Variants in AKAP12 observed in about 807,000 individuals in gnomAD.
The protein encoded by AKAP12 is A-kinase anchoring protein 12, also known as A-kinase anchor protein 12.
A neutral mutation model predicts 79.9 loss-of-function variants in AKAP12; 32 were observed. The observed-to-expected ratio is 0.40, with a 90% CI of 0.30 to 0.54. The LOEUF (loss-of-function observed/expected upper bound fraction) is 0.54. Among genes scored for constraint, AKAP12 ranks in the 20% least tolerant of loss-of-function variants. The pLI, the probability that AKAP12 is intolerant of heterozygous loss-of-function variation, is 0.48. For synonymous variants in AKAP12, 808 were observed against 857.0 expected (o/e 0.94, Z 1.00); for missense variants, 2,074 against 2,177.0 (o/e 0.95, Z 0.94).
intron 3 of AKAP12, among the ~76,000 whole-genome samples, chr6:151,308,394 G>A (rs561252720): frequency 6.6e-6 from 1 of 152,084 alleles, no homozygotes; most frequent in African/African-American, 2.4e-5. Context: ...TGTATTTTCA[G>A]TAGAGACAAG....
intron 2 of AKAP12, among the ~76,000 whole-genome samples, chr6:151,278,600 A>G (rs1049146081): frequency 6.6e-6 from 1 of 151,960 alleles, no homozygotes; most frequent in African/African-American, 2.4e-5. Flanking sequence ...TTCTTTGACT[A>G]CTGTTGTATT....
At chr6:151,344,282 G>A (rs1778027136) in intron 3 of AKAP12, among the ~76,000 whole-genome samples, 1 of 152,044 alleles carries the variant, frequency 6.6e-6, no homozygotes, top group Admixed American at 6.6e-5. Context: ...GCTGATTATC[G>A]AAGCTGTTAC....
At chr6:151,335,479 T>TTTTG (rs398110821) in intron 3 of AKAP12, among the ~76,000 whole-genome samples, 33 of 151,642 alleles carry the variant, frequency 2.2e-4, no homozygotes, top group African/African-American at 8.0e-4. Flanking sequence ...TTTTTACTGT[T>TTTTG]GTTTGTTTGT....
At chr6:151,325,594 C>T (rs1777501807) in intron 3 of AKAP12, 3 of 1,346,248 alleles carry the variant, frequency 2.2e-6, no homozygotes, top group African/African-American at 1.5e-5. Flanking sequence ...GAGGGGCCAG[C>T]GCCAGCCCGC....
chr6:151,332,814 A>G (rs577325244), intron 3 of AKAP12, among the ~76,000 whole-genome samples: 42 of 152,296 alleles, frequency 2.8e-4, no homozygotes, highest in Admixed American at 9.8e-4. Flanking sequence ...CATTTTGGCC[A>G]TCTTTGTGAC....
intron 3 of AKAP12, chr6:151,325,469 T>G (rs1777498699): frequency 1.0e-6 from 1 of 985,278 alleles, no homozygotes. Flanking sequence ...CAGAACCCGC[T>G]GACCACTCAC....
chr6:151,334,076 C>CAAGAA (rs1335560937), intron 3 of AKAP12, among the ~76,000 whole-genome samples: 3 of 152,054 alleles, frequency 2.0e-5, no homozygotes, highest in Non-Finnish European at 4.4e-5. Context: ...TCAAGACCAG[C>CAAGAA]CTGGGCAACA....
intron 2 of AKAP12, among the ~76,000 whole-genome samples, chr6:151,267,356 A>AT (rs1259683719): frequency 2.0e-5 from 3 of 152,222 alleles, no homozygotes; most frequent in Non-Finnish European, 4.4e-5. Flanking sequence ...GTCAGCATCT[A>AT]TTTGGACTAT....
chr6:151,341,841 C>G, intron 3 of AKAP12: 2 of 1,259,314 alleles, frequency 1.6e-6, no homozygotes, highest in Non-Finnish European at 2.1e-6. Context: ...GGGAAAGCCT[C>G]TCTACTGGCC....
intron 3 of AKAP12, among the ~76,000 whole-genome samples, chr6:151,321,768 TC>T (rs1777393587): frequency 6.6e-6 from 1 of 152,150 alleles, no homozygotes; most frequent in Admixed American, 6.6e-5. Flanking sequence ...CAGCCTATTT[TC>T]CAAAGTGGCT....
intron 3 of AKAP12, among the ~76,000 whole-genome samples, chr6:151,323,371 T>C (rs1241312103): frequency 6.6e-6 from 1 of 152,048 alleles, no homozygotes; most frequent in Non-Finnish European, 1.5e-5. Context: ...GCCAACACGG[T>C]GAAACCCCGT....
Position 151,240,452 on chromosome 6 carries a change from A to G in AKAP12, c.-111A>G. The G allele has an allele frequency of 1.7e-6, 2 of 1,201,704 alleles. No individual in the cohort carries two copies. Among genetic ancestry groups the G allele is most frequent in the Non-Finnish European group, 2.1e-6 (2 of 941,992 alleles). The allele number at this position is 1,201,704 out of a possible 1,614,324, so 74.4% of individuals were successfully genotyped here. ...GTTCGCAGTCGGCTGGCGGCGAAGGAAGGCGCTCTCGGGACCTCGCGGGCG... is the reference window on the plus strand; with the variant it reads ...GTTCGCAGTCGGCTGGCGGCGAAGGGAGGCGCTCTCGGGACCTCGCGGGCG... On this transcript the variant is annotated 5_prime_UTR_variant, in exon 2 of 5. Coordinates refer to ENST00000402676, the MANE Select transcript of AKAP12 (RefSeq NM_005100.4).
At chr6:151,343,795 A>C (rs1778011529) in intron 3 of AKAP12, 1 of 289,746 alleles carries the variant, frequency 3.5e-6, no homozygotes, top group South Asian at 2.8e-5. Context: ...AAAAAGAAAA[A>C]AAGAAAAAAG....
intron 3 of AKAP12, chr6:151,326,004 C>G (rs1480168405): frequency 2.2e-5 from 30 of 1,364,784 alleles, no homozygotes; most frequent in Non-Finnish European, 3.0e-5. Flanking sequence ...GTGGCGGGAC[C>G]GTTATTGGCA....
At chr6:151,255,540 G>A (rs966239559) in intron 2 of AKAP12, among the ~76,000 whole-genome samples, 2 of 151,922 alleles carry the variant, frequency 1.3e-5, no homozygotes, top group African/African-American at 4.8e-5. Context: ...GCTCATGCCT[G>A]TAATCCCAGT....
At chr6:151,342,055 G>A (rs1019594362) in intron 3 of AKAP12, among the ~76,000 whole-genome samples, 41 of 152,246 alleles carry the variant, frequency 2.7e-4, no homozygotes, top group African/African-American at 9.6e-4. Flanking sequence ...GGAGTCGGGG[G>A]GTTGGAATGG....
At chr6:151,246,182 G>T (rs1412609349) in intron 2 of AKAP12, among the ~76,000 whole-genome samples, 3 of 152,180 alleles carry the variant, frequency 2.0e-5, no homozygotes, top group Non-Finnish European at 2.9e-5. Context: ...ACTTTGGGAG[G>T]CCGAGGCAGG....
intron 2 of AKAP12, 68 bp downstream of exon 2, chr6:151,240,792 G>T (rs1373182762): frequency 1.1e-6 from 1 of 950,882 alleles, no homozygotes; most frequent in South Asian, 4.5e-5. Context: ...GGGGTGGGGG[G>T]GTCCCTCCGA....
chr6:151,326,861 G>C (rs2114787566), intron 3 of AKAP12, among the ~76,000 whole-genome samples: 1 of 152,070 alleles, frequency 6.6e-6, no homozygotes, highest in Non-Finnish European at 1.5e-5. Flanking sequence ...TCTTTCGCCA[G>C]ACTGAAGTGC....
Sources: gnomAD v4.1 joint callset for allele counts (sites outside exome capture counted in the v4.1 genomes callset) on GRCh38, gnomAD v4.1.1 for gene constraint, MANE v1.5 for transcripts, NCBI Gene and HGNC (gene_info 2026-07-23, HGNC 2026-07-21) for gene names.